The following KCTD8 variants were observed in gnomAD, a reference collection of about 807,000 sequenced individuals.
The protein encoded by KCTD8 is potassium channel tetramerization domain containing 8.
Under a neutral mutation model 31.5 loss-of-function variants are expected in KCTD8, and 27 were observed. The ratio of observed to expected loss-of-function variants is 0.86; its 90% CI spans 0.63 to 1.18. The LOEUF (loss-of-function observed/expected upper bound fraction) is 1.18, where lower values mean the gene tolerates loss of function less well. KCTD8 is among the 50% of genes most tolerant of loss of function. KCTD8 has a pLI of 0.00. For synonymous variants in KCTD8, 290 were observed against 280.0 expected, an observed-to-expected ratio of 1.04 and a Z score of -0.36; for missense variants, 658 against 647.7, an observed-to-expected ratio of 1.02 and a Z score of -0.17.
At chr4:44,239,441 T>C (rs1262392118) in intron 1 of KCTD8, among the ~76,000 whole-genome samples, 1 of 152,174 alleles carries the variant, frequency 6.6e-6, no homozygotes, top group Non-Finnish European at 1.5e-5. Context: ...ATAGATCTCA[T>C]AGTGTTATCA....
chr4:44,204,564 T>C (rs1714248881), intron 1 of KCTD8, among the ~76,000 whole-genome samples: 1 of 152,114 alleles, frequency 6.6e-6, no homozygotes, highest in Admixed American at 6.6e-5. Flanking sequence ...TTGTGAGCCC[T>C]TAAAAGGGAC....
At chr4:44,195,623 A>G (rs576647480) in intron 1 of KCTD8, among the ~76,000 whole-genome samples, 1 of 152,302 alleles carries the variant, frequency 6.6e-6, no homozygotes, top group South Asian at 2.1e-4. Context: ...ACTAGAAAAA[A>G]CTTTATAATT....
intron 1 of KCTD8, among the ~76,000 whole-genome samples, chr4:44,446,224 A>G (rs1721935442): frequency 1.3e-5 from 2 of 152,180 alleles, no homozygotes; most frequent in Admixed American, 1.3e-4. Context: ...GTGCAAGGAG[A>G]GTTCCCTTCC....
At chr4:44,408,381 G>T (rs1720856130) in intron 1 of KCTD8, among the ~76,000 whole-genome samples, 1 of 152,076 alleles carries the variant, frequency 6.6e-6, no homozygotes, top group Non-Finnish European at 1.5e-5. Context: ...TACTTTTATA[G>T]CTACTTAAAC....
rs548033162 is a variant in KCTD8, at chr4:44,444,988, G to A, written c.961+2575C>T. On this transcript the variant is annotated intron_variant, in intron 1 of 1. Coordinates refer to ENST00000360029, the MANE Select transcript of KCTD8 (RefSeq NM_198353.3). ...AAAGGGGGAAATAAAAGCTATTAAG[G>A]TTATTTTCTGCATCTAAAACATAAG... 1.4e-4 allele frequency among the ~76,000 whole-genome samples: 21 copies of A among 152,158 alleles called. No homozygotes were observed. The South Asian group carries it at 4.1e-3, about 30-fold the overall frequency.
At chr4:44,407,133 C>T (rs1315237608) in intron 1 of KCTD8, among the ~76,000 whole-genome samples, 1 of 152,096 alleles carries the variant, frequency 6.6e-6, no homozygotes, top group Non-Finnish European at 1.5e-5. Context: ...GTCCTTATTT[C>T]AATTCAATAT....
chr4:44,215,475 C>T (rs1475331948), intron 1 of KCTD8, among the ~76,000 whole-genome samples: 1 of 152,076 alleles, frequency 6.6e-6, no homozygotes, highest in Admixed American at 6.6e-5. Context: ...TCTTTTAAAT[C>T]ATTTATAACT....
At chr4:44,206,319 A>G (rs1577830235) in intron 1 of KCTD8, among the ~76,000 whole-genome samples, 1 of 152,142 alleles carries the variant, frequency 6.6e-6, no homozygotes, top group Admixed American at 6.5e-5. Flanking sequence ...CAAACATCCT[A>G]GTAAAAAGAT....
At chr4:44,263,981 A>G (rs1235978408) in intron 1 of KCTD8, among the ~76,000 whole-genome samples, 1 of 152,228 alleles carries the variant, frequency 6.6e-6, no homozygotes, top group African/African-American at 2.4e-5. Flanking sequence ...ATGTGGTCAC[A>G]TTTGACTGTG....
chr4:44,275,874 G>A (rs997675482), intron 1 of KCTD8, among the ~76,000 whole-genome samples: 14 of 152,044 alleles, frequency 9.2e-5, no homozygotes, highest in African/African-American at 2.9e-4. Context: ...ATGCTGCCAC[G>A]TAAAGCTTCC....
chr4:44,232,707 A>C (rs950247416), intron 1 of KCTD8, among the ~76,000 whole-genome samples: 3 of 152,226 alleles, frequency 2.0e-5, no homozygotes, highest in Non-Finnish European at 2.9e-5. Flanking sequence ...AATCATAAAC[A>C]ACAAACAGAA....
intron 1 of KCTD8, among the ~76,000 whole-genome samples, chr4:44,241,494 T>G (rs551205118): frequency 6.6e-6 from 1 of 152,346 alleles, no homozygotes; most frequent in African/African-American, 2.4e-5. Context: ...GGTAATTAAA[T>G]AGCTTCCAAA....
chr4:44,386,637 C>T (rs993189688), intron 1 of KCTD8, among the ~76,000 whole-genome samples: 4 of 151,570 alleles, frequency 2.6e-5, no homozygotes, highest in Non-Finnish European at 4.4e-5. Context: ...AACCCTCACA[C>T]ACTGTTGGCG....
At chr4:44,303,894 A>G (rs1717718418) in intron 1 of KCTD8, among the ~76,000 whole-genome samples, 1 of 152,200 alleles carries the variant, frequency 6.6e-6, no homozygotes, top group Non-Finnish European at 1.5e-5. Context: ...TCTTTAAATT[A>G]GCAGATCATT....
intron 1 of KCTD8, among the ~76,000 whole-genome samples, chr4:44,271,915 G>A (rs980385373): frequency 6.6e-6 from 1 of 151,910 alleles, no homozygotes; most frequent in Non-Finnish European, 1.5e-5. Context: ...ATATTTCTGT[G>A]TGTGTGTCTT....
chr4:44,413,064 G>A (rs1320230822), intron 1 of KCTD8, among the ~76,000 whole-genome samples: 1 of 152,138 alleles, frequency 6.6e-6, no homozygotes, highest in African/African-American at 2.4e-5. Flanking sequence ...CCAGGTAAAA[G>A]ATGCTTATTC....
At chr4:44,310,176 GAAAT>G (rs917924813) in intron 1 of KCTD8, among the ~76,000 whole-genome samples, 17 of 152,192 alleles carry the variant, frequency 1.1e-4, no homozygotes, top group African/African-American at 4.1e-4. Context: ...GTAGTCCAGT[GAAAT>G]AAATAGATTG....
At chr4:44,425,942 C>A (rs927878402) in intron 1 of KCTD8, among the ~76,000 whole-genome samples, 1 of 151,458 alleles carries the variant, frequency 6.6e-6, no homozygotes, top group Non-Finnish European at 1.5e-5. Context: ...CAGACAGAAA[C>A]CAGCAGTCAC....
chr4:44,181,033 G>A (rs1713367460), intron 1 of KCTD8, among the ~76,000 whole-genome samples: 1 of 152,102 alleles, frequency 6.6e-6, no homozygotes, highest in Non-Finnish European at 1.5e-5. Context: ...ATTAATTTAT[G>A]TCTGTTTAAT....
Sources: allele counts gnomAD v4.1 joint callset (sites outside exome capture counted in the v4.1 genomes callset), GRCh38; gene constraint gnomAD v4.1.1; transcripts MANE v1.5; gene names NCBI Gene and HGNC (gene_info 2026-07-23, HGNC 2026-07-21).